Variants in TMEM33 observed in about 807,000 individuals in gnomAD.
TMEM33 encodes transmembrane protein 33.
TMEM33 carries 16 observed loss-of-function variants against 29.7 expected under a neutral mutation model. That is an observed-to-expected ratio of 0.54 (90% CI 0.36 to 0.82). TMEM33 has a LOEUF of 0.82. Ranked by LOEUF, TMEM33 falls within the 40% of genes least tolerant of loss-of-function variation. The pLI is 0.00. For synonymous variants in TMEM33, 112 were observed against 109.4 expected, an observed-to-expected ratio of 1.02 and a Z score of -0.15; for missense variants, 252 against 295.3, an observed-to-expected ratio of 0.85 and a Z score of 1.08.
At chr4:41,941,564 T>G (rs556522068) in intron 3 of TMEM33, among the ~76,000 whole-genome samples, 1 of 152,354 alleles carries the variant, frequency 6.6e-6, no homozygotes, top group East Asian at 1.9e-4. Flanking sequence ...GACTCATGAC[T>G]GGTGAAGAAA....
At position 41,957,284 on chromosome 4, in the gene TMEM33, T is replaced by TG. The variant is rs1006151712; in HGVS notation, c.*3087dup. 15 of 151,094 alleles carry TG rather than the reference T, an allele frequency of 9.9e-5. No individual in the cohort carries two copies. The highest frequency in any genetic ancestry group is 3.2e-4 in the African/African-American group (13 of 41,214). 9.4% of individuals were successfully genotyped at this position (151,094 alleles called of 1,614,324 possible). A position where few individuals can be genotyped will look rare whatever the true frequency, so the allele number is the denominator to read the frequency against. On this transcript the variant is annotated 3_prime_UTR_variant, in exon 7 of 7. Transcript: ENST00000504986. Reference sequence around the variant, plus strand: ...GTATTTAGGTTTTTTTTTTTTTTTTTGGAATGAAGTTCAGAGGTAGATCCT... The same window carrying TG: ...GTATTTAGGTTTTTTTTTTTTTTTTTGGGAATGAAGTTCAGAGGTAGATCCT...
At chr4:41,936,711 C>T (rs1409031289) in intron 1 of TMEM33, among the ~76,000 whole-genome samples, 1 of 152,184 alleles carries the variant, frequency 6.6e-6, no homozygotes. Context: ...ATTCAATTTA[C>T]TGGCCATATC....
At chr4:41,937,023 T>G (rs1315942972) in intron 1 of TMEM33, among the ~76,000 whole-genome samples, 3 of 151,892 alleles carry the variant, frequency 2.0e-5, no homozygotes, top group Non-Finnish European at 4.4e-5. Context: ...TGAATATTGC[T>G]CCTCAACAAT....
Position 41,954,304 on chromosome 4 carries a change from T to G in TMEM33, c.*105T>G. The G allele has an allele frequency of 9.3e-7, 1 of 1,078,392 alleles. No homozygotes were observed. The highest frequency in any genetic ancestry group is 2.6e-5 in the Admixed American group (1 of 38,034). 66.8% of individuals were successfully genotyped at this position (1,078,392 alleles called of 1,614,324 possible). A position where few individuals can be genotyped will look rare whatever the true frequency, so the allele number is the denominator to read the frequency against. On this transcript the variant is annotated 3_prime_UTR_variant, in exon 7 of 7. Coordinates refer to ENST00000504986, the MANE Select transcript of TMEM33 (RefSeq NM_018126.3). The stretch of plus-strand genomic sequence containing the variant: ...GTGTTACACTGACCTCAATCCAATT[T>G]ACATAATTTACATAAATGCATCTCG...
rs947311053 is a variant in TMEM33, at chr4:41,957,050, A to G, written c.*2851A>G. ...TTAGTTACAGGTTTAAAAGAAGTTC[A>G]TTTAACATCCAGTGTGTCTAATTCT... On this transcript the variant is annotated 3_prime_UTR_variant, in exon 7 of 7. Coordinates refer to ENST00000504986, the MANE Select transcript of TMEM33 (RefSeq NM_018126.3). The G allele has an allele frequency of 1.3e-5, 2 of 152,210 alleles. No homozygotes were observed. The highest frequency in any genetic ancestry group is 2.9e-5 in the Non-Finnish European group (2 of 67,988). The allele number at this position is 152,210 out of a possible 1,614,324, so 9.4% of individuals were successfully genotyped here. A position where few individuals can be genotyped will look rare whatever the true frequency, so the allele number is the denominator to read the frequency against.
At chr4:41,945,385 C>T (rs1652719954) in intron 5 of TMEM33, among the ~76,000 whole-genome samples, 1 of 152,010 alleles carries the variant, frequency 6.6e-6, no homozygotes, top group Non-Finnish European at 1.5e-5. Flanking sequence ...TAGTATTGAC[C>T]TCTGCATTGA....
chr4:41,939,339 A>G lies in TMEM33; in HGVS notation c.284A>G (p.Tyr95Cys), dbSNP rs1358970782. Residue 95 changes from tyrosine (Y) to cysteine (C), a missense_variant, in exon 3 of 7, where the codon TAC becomes TGC. Coordinates refer to ENST00000504986, the MANE Select transcript of TMEM33 (RefSeq NM_018126.3). ...AQALLEDSCH[Y>C]LLYSLIFVNS... ...GCTTTGTTAGAGGACAGCTGCCACTACCTGTTGTATTCACTCATCTTTGTA... is the reference window on the plus strand; with the variant it reads ...GCTTTGTTAGAGGACAGCTGCCACTGCCTGTTGTATTCACTCATCTTTGTA... The G allele has an allele frequency of 6.2e-7, 1 of 1,613,552 alleles. No individual in the cohort carries two copies. Among genetic ancestry groups the G allele is most frequent in the Non-Finnish European group, 8.5e-7 (1 of 1,179,870 alleles).
At position 41,935,502 on chromosome 4, in the gene TMEM33, G is replaced by T; in HGVS notation, c.18G>T (p.Pro6=). 1 of 1,609,970 alleles carries T rather than the reference G, an allele frequency of 6.2e-7. No homozygotes were observed. The highest frequency in any genetic ancestry group is 8.5e-7 in the Non-Finnish European group (1 of 1,178,252). ...GAGCCCCCATGGCAGATACGACCCC[G>T]AACGGCCCCCAAGGGGCGGGCGCTG... MADTT[P]NGPQGAGAVQ... is the part of the protein sequence containing the mutation. Residue 6 remains proline, a synonymous_variant, in exon 1 of 7, where the codon CCG becomes CCT. Coordinates refer to ENST00000504986, the MANE Select transcript of TMEM33 (RefSeq NM_018126.3).
chr4:41,954,091 G>A lies in TMEM33; in HGVS notation c.636G>A (p.Arg212=). 1 of 1,613,858 alleles carries A rather than the reference G, an allele frequency of 6.2e-7. No individual in the cohort carries two copies. Among genetic ancestry groups the A allele is most frequent in the Non-Finnish European group, 8.5e-7 (1 of 1,179,806 alleles). The part of the protein sequence containing the change: ...PYCRTLFNEL[R]IVVEHIIMKP... ...GCAGGACCTTATTTAATGAACTGAG[G>A]ATTGTTGTTGAACACATAATAATGA... Residue 212 remains arginine, a synonymous_variant, in exon 7 of 7, where the codon AGG becomes AGA. Transcript: ENST00000504986.
At chr4:41,939,779 G>A in intron 3 of TMEM33, 1 of 456,854 alleles carries the variant, frequency 2.2e-6, no homozygotes, top group Non-Finnish European at 4.4e-6. Context: ...CTTAACCCCA[G>A]TGAACTAGAT....
Position 41,939,308 on chromosome 4 carries a change from G to C in TMEM33, c.253G>C (p.Ala85Pro), listed in dbSNP as rs755772373. ...CTTCCAGTTAAGCAGAGCATTCCTGGCCCAGGCTTTGTTAGAGGACAGCTG... is the reference window on the plus strand; with the variant it reads ...CTTCCAGTTAAGCAGAGCATTCCTGCCCCAGGCTTTGTTAGAGGACAGCTG... ...PHFQLSRAFL[A>P]QALLEDSCHY... The change falls in exon 3 of 7, where the codon GCC (alanine) becomes CCC (proline). Residue 85 changes from alanine to proline, a missense_variant. Transcript: ENST00000504986. 6.2e-7 allele frequency: 1 copy of C among 1,613,726 alleles called. No individual in the cohort carries two copies. Among genetic ancestry groups the C allele is most frequent in the Non-Finnish European group, 8.5e-7 (1 of 1,179,936 alleles).
Position 41,954,301 on chromosome 4 carries a change from A to G in TMEM33, c.*102A>G, listed in dbSNP as rs1713169007. On this transcript the variant is annotated 3_prime_UTR_variant, in exon 7 of 7. Transcript: ENST00000504986. ...CAGGTGTTACACTGACCTCAATCCA[A>G]TTTACATAATTTACATAAATGCATC... The G allele has an allele frequency of 2.8e-6, 3 of 1,057,624 alleles. No homozygotes were observed. Among genetic ancestry groups the G allele is most frequent in the South Asian group, 4.2e-5 (2 of 48,006 alleles). The allele number at this position is 1,057,624 out of a possible 1,614,324, so 65.5% of individuals were successfully genotyped here.
chr4:41,939,883 A>G (rs952020287), intron 3 of TMEM33: 4 of 428,566 alleles, frequency 9.3e-6, no homozygotes, highest in East Asian at 7.0e-5. Flanking sequence ...AGAGTAGAAA[A>G]TAAGGACACA....
Position 41,957,604 on chromosome 4 carries a change from T to A in TMEM33, c.*3405T>A, listed in dbSNP as rs1204019535. On this transcript the variant is annotated 3_prime_UTR_variant, in exon 7 of 7. Transcript: ENST00000504986. ...GTAGAACTGAGAGATTTAGTTTTTTTTTTTTTTAAGTTTTAGTTCAGAATA... is the reference window on the plus strand; with the variant it reads ...GTAGAACTGAGAGATTTAGTTTTTTATTTTTTTAAGTTTTAGTTCAGAATA... The A allele has an allele frequency of 2.0e-5, 3 of 152,070 alleles. No individual in the cohort carries two copies. Among genetic ancestry groups the A allele is most frequent in the Non-Finnish European group, 4.4e-5 (3 of 68,002 alleles). The allele number at this position is 152,070 out of a possible 1,614,324, so 9.4% of individuals were successfully genotyped here.
chr4:41,946,694 T>G (rs1712804718), intron 5 of TMEM33, among the ~76,000 whole-genome samples: 1 of 152,186 alleles, frequency 6.6e-6, no homozygotes, highest in African/African-American at 2.4e-5. Context: ...TAATGTAATC[T>G]GGGACAGCAG....
Position 41,957,343 on chromosome 4 carries a change from G to A in TMEM33, c.*3144G>A, listed in dbSNP as rs1405210236. 1 of 138,086 alleles carries A rather than the reference G, an allele frequency of 7.2e-6. No homozygotes were observed. The highest frequency in any genetic ancestry group is 2.2e-4 in the East Asian group (1 of 4,508). 8.6% of individuals were successfully genotyped at this position (138,086 alleles called of 1,614,324 possible). ...AAAGAAAGCAAGCGAACTTTTTAAA[G>A]AAAATTAGACTTGAATATTTAAGAA... is the stretch of plus-strand genomic sequence containing the variant. On this transcript the variant is annotated 3_prime_UTR_variant, in exon 7 of 7. Coordinates refer to ENST00000504986, the MANE Select transcript of TMEM33 (RefSeq NM_018126.3).
At chr4:41,950,702 T>C (rs955748340) in intron 6 of TMEM33, among the ~76,000 whole-genome samples, 1 of 152,134 alleles carries the variant, frequency 6.6e-6, no homozygotes, top group African/African-American at 2.4e-5. Flanking sequence ...ATTTCTTGAG[T>C]TTTAGCCTTT....
chr4:41,947,102 G>C (rs1194250947), intron 5 of TMEM33, among the ~76,000 whole-genome samples: 1 of 151,988 alleles, frequency 6.6e-6, no homozygotes, highest in Non-Finnish European at 1.5e-5. Context: ...TGGGCCTGGT[G>C]GTGTGTGCCT....
chr4:41,959,526 G>T lies in TMEM33; in HGVS notation c.*5327G>T, dbSNP rs930027443. 3.0e-4 allele frequency: 46 copies of T among 152,222 alleles called. No individual in the cohort carries two copies. The highest frequency in any genetic ancestry group is 1.1e-3 in the African/African-American group (46 of 41,452). 9.4% of individuals were successfully genotyped at this position (152,222 alleles called of 1,614,324 possible). On this transcript the variant is annotated 3_prime_UTR_variant, in exon 7 of 7. Transcript: ENST00000504986. ...CTAACAATTAGCTCATATTCCATGA[G>T]AAAGAGTGGCCTAAGAATTATTTCA...
Sources: gnomAD v4.1 joint callset for allele counts (sites outside exome capture counted in the v4.1 genomes callset) on GRCh38, gnomAD v4.1.1 for gene constraint, MANE v1.5 for transcripts, NCBI Gene and HGNC (gene_info 2026-07-23, HGNC 2026-07-21) for gene names.